NEGR1: variants seen among roughly 807,000 people sequenced by gnomAD.
The protein encoded by NEGR1 is neuronal growth regulator 1.
In NEGR1, 10 loss-of-function variants were observed where a neutral mutation model predicts 40.9. That is an observed-to-expected ratio of 0.24 (90% CI 0.15 to 0.42). The LOEUF is 0.42. Among genes scored for constraint, NEGR1 ranks in the 10% least tolerant of loss-of-function variants. The pLI is 1.00. For synonymous variants in NEGR1, 185 were observed against 166.8 expected, an observed-to-expected ratio of 1.11 and a Z score of -0.84; for missense variants, 352 against 438.9, an observed-to-expected ratio of 0.80 and a Z score of 1.77.
intron 1 of NEGR1, among the ~76,000 whole-genome samples, chr1:72,084,503 T>G (rs780292130): frequency 6.6e-6 from 1 of 152,228 alleles, no homozygotes; most frequent in African/African-American, 2.4e-5. Context: ...AAATACATTA[T>G]GTTTTACTTA....
intron 1 of NEGR1, among the ~76,000 whole-genome samples, chr1:71,960,982 G>A (rs953522806): frequency 6.6e-6 from 1 of 152,024 alleles, no homozygotes. Context: ...TCTATGGTTT[G>A]TATAATTTGA....
chr1:72,131,110 C>T (rs1294664459), intron 1 of NEGR1, among the ~76,000 whole-genome samples: 4 of 152,134 alleles, frequency 2.6e-5, no homozygotes, highest in African/African-American at 9.7e-5. Context: ...TTCTAAGTCT[C>T]CTGACCAACT....
chr1:71,863,567 A>G (rs1263219604), intron 2 of NEGR1, among the ~76,000 whole-genome samples: 1 of 152,144 alleles, frequency 6.6e-6, no homozygotes, highest in Non-Finnish European at 1.5e-5. Flanking sequence ...ATGTAACAAA[A>G]CTGCATATCC....
At chr1:71,780,439 G>T (rs573861665) in intron 2 of NEGR1, among the ~76,000 whole-genome samples, 17 of 152,198 alleles carry the variant, frequency 1.1e-4, no homozygotes, top group African/African-American at 3.9e-4. Context: ...CTAAATCACA[G>T]AATATCTCCT....
chr1:71,880,056 A>G (rs906833411), intron 2 of NEGR1, among the ~76,000 whole-genome samples: 7 of 152,106 alleles, frequency 4.6e-5, no homozygotes, highest in African/African-American at 1.7e-4. Context: ...GATAGCTAAT[A>G]ATCTAAAATC....
chr1:72,064,721 C>T (rs1647233634), intron 1 of NEGR1, among the ~76,000 whole-genome samples: 1 of 152,100 alleles, frequency 6.6e-6, no homozygotes. Flanking sequence ...TATTATTTTA[C>T]TTATTGCTAC....
chr1:71,647,602 G>A (rs1347682429), intron 4 of NEGR1, among the ~76,000 whole-genome samples: 1 of 151,870 alleles, frequency 6.6e-6, no homozygotes, highest in Non-Finnish European at 1.5e-5. Context: ...CTCCTGACAA[G>A]CCACAGTGAC....
intron 1 of NEGR1, among the ~76,000 whole-genome samples, chr1:71,964,512 A>G (rs112351458): frequency 1.3e-5 from 2 of 152,094 alleles, no homozygotes; most frequent in Non-Finnish European, 2.9e-5. Context: ...ACACACATGA[A>G]TGAAGAGGCC....
At chr1:71,569,326 A>G (rs1466255273) in intron 6 of NEGR1, among the ~76,000 whole-genome samples, 1 of 152,190 alleles carries the variant, frequency 6.6e-6, no homozygotes, top group Non-Finnish European at 1.5e-5. Context: ...AAAGGAACTG[A>G]AAAAGAAAGA....
At chr1:71,457,696 T>G (rs921921933) in intron 6 of NEGR1, among the ~76,000 whole-genome samples, 10 of 152,130 alleles carry the variant, frequency 6.6e-5, no homozygotes, top group Non-Finnish European at 1.5e-4. Context: ...TTATTAGTTT[T>G]CCTTTTTCTT....
intron 5 of NEGR1, among the ~76,000 whole-genome samples, chr1:71,607,106 C>T (rs1251937074): frequency 1.3e-5 from 2 of 152,172 alleles, no homozygotes; most frequent in African/African-American, 4.8e-5. Context: ...GGAAAGAAAA[C>T]TCTAGATCTT....
intron 6 of NEGR1, among the ~76,000 whole-genome samples, chr1:71,466,020 G>T (rs746667774): frequency 3.9e-5 from 6 of 151,924 alleles, no homozygotes; most frequent in Non-Finnish European, 8.8e-5. Flanking sequence ...TTTGGAGATT[G>T]ACAGACCCAT....
At chr1:72,177,927 C>G (rs938633433) in intron 1 of NEGR1, among the ~76,000 whole-genome samples, 4 of 151,994 alleles carry the variant, frequency 2.6e-5, no homozygotes, top group African/African-American at 7.2e-5. Flanking sequence ...AGATGAAGCA[C>G]AGCTGGCTGC....
chr1:71,799,256 C>T (rs1190725207), intron 2 of NEGR1, among the ~76,000 whole-genome samples: 1 of 152,086 alleles, frequency 6.6e-6, no homozygotes, highest in Non-Finnish European at 1.5e-5. Context: ...CATGTATTCT[C>T]ATTGTTCAAC....
chr1:72,018,417 A>T (rs921477087), intron 1 of NEGR1, among the ~76,000 whole-genome samples: 2 of 152,174 alleles, frequency 1.3e-5, no homozygotes, highest in African/African-American at 4.8e-5. Context: ...CCCTATCCCT[A>T]CTGTACCTAG....
At chr1:71,807,645 A>G (rs1657826199) in intron 2 of NEGR1, among the ~76,000 whole-genome samples, 1 of 152,160 alleles carries the variant, frequency 6.6e-6, no homozygotes, top group Non-Finnish European at 1.5e-5. Flanking sequence ...TTCTGCATTT[A>G]CAAAGTCTAA....
chr1:71,813,174 C>G (rs959957377), intron 2 of NEGR1, among the ~76,000 whole-genome samples: 1 of 151,886 alleles, frequency 6.6e-6, no homozygotes. Flanking sequence ...CCCAGCACCA[C>G]TTATTAAATA....
intron 6 of NEGR1, among the ~76,000 whole-genome samples, chr1:71,473,515 G>A (rs1036666315): frequency 2.6e-5 from 4 of 151,998 alleles, no homozygotes; most frequent in Admixed American, 6.6e-5. Context: ...TTTTATGGAG[G>A]CCATCCAGGG....
At chr1:71,757,360 C>G (rs1302397089) in intron 3 of NEGR1, among the ~76,000 whole-genome samples, 1 of 151,924 alleles carries the variant, frequency 6.6e-6, no homozygotes, top group African/African-American at 2.4e-5. Context: ...GATAATTTGC[C>G]AAAATTAATA....
Sources: allele counts gnomAD v4.1 joint callset (sites outside exome capture counted in the v4.1 genomes callset), GRCh38; gene constraint gnomAD v4.1.1; transcripts MANE v1.5; gene names NCBI Gene and HGNC (gene_info 2026-07-23, HGNC 2026-07-21).